The following CHLSN variants were observed in gnomAD, a reference collection of about 807,000 sequenced individuals.
The protein encoded by CHLSN is cholesin.
chr7:1,122,374 G>C, the CHLSN span, among the ~76,000 whole-genome samples: 176 of 152,348 alleles, frequency 1.2e-3, 1 homozygote, highest in Non-Finnish European at 2.2e-3. Flanking sequence ...GACAGCAGCA[G>C]GGAGGCGGCC....
the CHLSN span, among the ~76,000 whole-genome samples, chr7:1,050,777 G>C: frequency 6.6e-6 from 1 of 152,214 alleles, no homozygotes; most frequent in South Asian, 2.1e-4. Context: ...AGATGACACA[G>C]AGGCACAGCT....
chr7:1,132,228 T>C, the CHLSN span, among the ~76,000 whole-genome samples: 1 of 152,182 alleles, frequency 6.6e-6, no homozygotes, highest in African/African-American at 2.4e-5. Context: ...AAATTTAAAA[T>C]TTTTGTGCTG....
chr7:1,113,855 C>T, the CHLSN span, among the ~76,000 whole-genome samples: 1 of 152,202 alleles, frequency 6.6e-6, no homozygotes, highest in Non-Finnish European at 1.5e-5. Flanking sequence ...AAAGGGGCTC[C>T]AGGACCCGGC....
At chr7:1,051,644 G>A in the CHLSN span, among the ~76,000 whole-genome samples, 1 of 152,218 alleles carries the variant, frequency 6.6e-6, no homozygotes. Flanking sequence ...ACGGGCAGTA[G>A]GTGCAAGGCT....
At chr7:1,108,399 G>A in the CHLSN span, among the ~76,000 whole-genome samples, 1 of 152,092 alleles carries the variant, frequency 6.6e-6, no homozygotes, top group Admixed American at 6.5e-5. Context: ...CCCGCGCTCT[G>A]CGGGGAAGCA....
chr7:1,125,786 CCACGGGGTGGTAA>C, the CHLSN span, among the ~76,000 whole-genome samples: 4 of 152,262 alleles, frequency 2.6e-5, no homozygotes, highest in Admixed American at 2.6e-4. Flanking sequence ...CCCTGCCCTT[CCACGGGGTGGTAA>C]CACGGGGTGA....
At chr7:987,655 G>C in the CHLSN span, 1 of 947,084 alleles carries the variant, frequency 1.1e-6, no homozygotes, top group Non-Finnish European at 1.5e-6. Flanking sequence ...CCGACCGGAG[G>C]CAATAAAGGG....
the CHLSN span, among the ~76,000 whole-genome samples, chr7:1,011,594 A>G: frequency 6.7e-6 from 1 of 148,376 alleles, no homozygotes; most frequent in South Asian, 2.2e-4. Flanking sequence ...CCATCCCAAC[A>G]TACCCACAGC....
At chr7:1,070,619 C>CAT in the CHLSN span, among the ~76,000 whole-genome samples, 180 of 147,716 alleles carry the variant, frequency 1.2e-3, 1 homozygote, top group African/African-American at 4.3e-3. Context: ...TGCATGCACA[C>CAT]ACGCACACAA....
the CHLSN span, among the ~76,000 whole-genome samples, chr7:1,053,713 G>A: frequency 6.6e-5 from 10 of 152,332 alleles, no homozygotes; most frequent in African/African-American, 9.6e-5. Flanking sequence ...TGTAATCCCA[G>A]CTATTCGGGA....
chr7:1,094,284 C>A, the CHLSN span, among the ~76,000 whole-genome samples: 1 of 152,244 alleles, frequency 6.6e-6, no homozygotes, highest in Non-Finnish European at 1.5e-5. Context: ...CTGATGTTAA[C>A]AAGGTGCACC....
the CHLSN span, among the ~76,000 whole-genome samples, chr7:1,113,119 C>A: frequency 3.9e-5 from 6 of 152,108 alleles, no homozygotes; most frequent in Admixed American, 1.3e-4. Context: ...ACGCACACAC[C>A]CGCACGTACA....
chr7:987,613 C>A, the CHLSN span: 1 of 1,324,580 alleles, frequency 7.5e-7, no homozygotes, highest in African/African-American at 1.5e-5. Flanking sequence ...GACGGCTGAG[C>A]GTCTGGTGGG....
the CHLSN span, among the ~76,000 whole-genome samples, chr7:1,096,343 G>A: frequency 3.6e-3 from 549 of 152,316 alleles, 2 homozygotes; most frequent in Non-Finnish European, 3.7e-3. The surrounding 1 kb of genome is among the most constrained non-coding windows in gnomAD (Gnocchi z 4.6). Context: ...CAGCAGCCAA[G>A]CCACCGGGCT....
chr7:1,085,962 GC>G, the CHLSN span, among the ~76,000 whole-genome samples: 13 of 152,330 alleles, frequency 8.5e-5, no homozygotes, highest in Middle Eastern at 3.4e-3. Flanking sequence ...TGCAGTCCGG[GC>G]CCTGTCTCTT....
chr7:997,925 C>T, the CHLSN span: 2 of 914,984 alleles, frequency 2.2e-6, no homozygotes, highest in Non-Finnish European at 3.3e-6. Flanking sequence ...CCCACTGCGG[C>T]CCGAGGGTGT....
chr7:1,072,023 CA>C, the CHLSN span, among the ~76,000 whole-genome samples: 1 of 152,208 alleles, frequency 6.6e-6, no homozygotes, highest in Non-Finnish European at 1.5e-5. Flanking sequence ...CCCAGCCACA[CA>C]GGGGAAGAGC....
the CHLSN span, among the ~76,000 whole-genome samples, chr7:1,060,033 C>A: frequency 2.0e-5 from 1 of 49,184 alleles, no homozygotes; most frequent in Admixed American, 2.1e-4. Context: ...GAAGCGGGTC[C>A]GTAGTGAGGC....
At chr7:1,028,592 G>T in the CHLSN span, 1 of 984,632 alleles carries the variant, frequency 1.0e-6, no homozygotes, top group Non-Finnish European at 1.2e-6. Flanking sequence ...CTGCGGGGAG[G>T]GCGCACCCCC....
Sources: gnomAD v4.1 joint callset for allele counts (sites outside exome capture counted in the v4.1 genomes callset) on GRCh38, gnomAD v4.1.1 for gene constraint, Gnocchi (gnomAD v3.1) non-coding constraint, MANE v1.5 for transcripts, NCBI Gene and HGNC (gene_info 2026-07-23, HGNC 2026-07-21) for gene names.